DOK5: variants seen among roughly 807,000 people sequenced by gnomAD.
The protein encoded by DOK5 is downstream of tyrosine kinase 5.
DOK5 carries 27 observed loss-of-function variants against 43.3 expected under a neutral mutation model. The ratio of observed to expected loss-of-function variants is 0.62; its 90% CI spans 0.46 to 0.86. DOK5 has a LOEUF of 0.86. Among genes scored for constraint, DOK5 ranks in the 40% least tolerant of loss-of-function variants. The probability of loss-of-function intolerance (pLI) is 0.00; values close to 1 mark genes in which losing one functional copy is unlikely to be tolerated. For missense variants in DOK5, 373 were observed against 392.9 expected (o/e 0.95, Z 0.43); for synonymous variants, 146 against 140.1 (o/e 1.04, Z -0.30).
At chr20:54,605,543 C>T (rs1986444280) in intron 5 of DOK5, among the ~76,000 whole-genome samples, 1 of 152,218 alleles carries the variant, frequency 6.6e-6, no homozygotes, top group Non-Finnish European at 1.5e-5. Flanking sequence ...CACCTTAAAG[C>T]TTTATATGTG....
At chr20:54,545,264 T>C (rs1418038984) in intron 1 of DOK5, among the ~76,000 whole-genome samples, 1 of 152,212 alleles carries the variant, frequency 6.6e-6, no homozygotes, top group African/African-American at 2.4e-5. Flanking sequence ...TGGAGGGGCA[T>C]TACCTGTGGG....
At chr20:54,649,079 T>G (rs957319032) in intron 7 of DOK5, among the ~76,000 whole-genome samples, 1 of 152,210 alleles carries the variant, frequency 6.6e-6, no homozygotes, top group African/African-American at 2.4e-5. Flanking sequence ...ACTAAACAGT[T>G]GTGTCACTGA....
rs6014105 is a variant in DOK5, at chr20:54,648,195, A to T, written c.857-2220A>T. Among the ~76,000 whole-genome samples the T allele has an allele frequency of 3.5e-4, 53 of 152,138 alleles. No homozygotes were observed. In the East Asian group the frequency reaches 9.9e-3, roughly 28 times the overall value. Reference sequence around the variant, plus strand: ...TTCTCTCTCATTCTTCCATCCATCCATTCTTTGTTTACTCAGTAAACGTTT... The same window carrying T: ...TTCTCTCTCATTCTTCCATCCATCCTTTCTTTGTTTACTCAGTAAACGTTT... On this transcript the variant is annotated intron_variant, in intron 7 of 7. Coordinates refer to ENST00000262593, the MANE Select transcript of DOK5 (RefSeq NM_018431.5).
At chr20:54,497,679 T>C (rs1277343641) in intron 1 of DOK5, among the ~76,000 whole-genome samples, 2 of 152,194 alleles carry the variant, frequency 1.3e-5, no homozygotes, top group Non-Finnish European at 2.9e-5. Flanking sequence ...CACATATATA[T>C]TTCTGCATGC....
intron 1 of DOK5, among the ~76,000 whole-genome samples, chr20:54,499,067 AG>A (rs1400471182): frequency 6.6e-6 from 1 of 152,216 alleles, no homozygotes. Context: ...TGGGGATCAG[AG>A]CACTGTCAAA....
chr20:54,572,833 G>A (rs1055933673), intron 2 of DOK5, among the ~76,000 whole-genome samples: 2 of 152,136 alleles, frequency 1.3e-5, no homozygotes, highest in Admixed American at 1.3e-4. Context: ...GTTGGGAATG[G>A]TCCAACCATG....
chr20:54,481,961 G>A (rs1044828270), intron 1 of DOK5, among the ~76,000 whole-genome samples: 6 of 152,208 alleles, frequency 3.9e-5, no homozygotes, highest in African/African-American at 1.4e-4. Flanking sequence ...TACTTCCAGT[G>A]TGGTTAGAGA....
At chr20:54,554,793 T>C in intron 1 of DOK5, 140 bp from the exon 2 acceptor site, 1 of 608,078 alleles carries the variant, frequency 1.6e-6, no homozygotes, top group Non-Finnish European at 2.9e-6. Flanking sequence ...AATTTTGATT[T>C]TTAAAACTTT....
intron 6 of DOK5, among the ~76,000 whole-genome samples, chr20:54,641,242 G>A (rs1464408442): frequency 1.3e-5 from 2 of 152,106 alleles, no homozygotes; most frequent in African/African-American, 2.4e-5. Context: ...GCATGTTTTG[G>A]TAATTGTGGA....
At chr20:54,606,476 T>C (rs965135061) in intron 5 of DOK5, among the ~76,000 whole-genome samples, 5 of 152,158 alleles carry the variant, frequency 3.3e-5, no homozygotes, top group African/African-American at 1.2e-4. Flanking sequence ...CATTAGAACA[T>C]CTTTGTTCTG....
chr20:54,576,207 C>A (rs952964698), intron 2 of DOK5, among the ~76,000 whole-genome samples: 8 of 151,990 alleles, frequency 5.3e-5, no homozygotes, highest in African/African-American at 1.7e-4. Context: ...GTATAATAAT[C>A]CAACTTCGTA....
chr20:54,522,780 G>A (rs1983455929), intron 1 of DOK5, among the ~76,000 whole-genome samples: 1 of 152,084 alleles, frequency 6.6e-6, no homozygotes, highest in Admixed American at 6.5e-5. Flanking sequence ...CTCCCAAAGT[G>A]CTGGGATTAC....
At chr20:54,615,059 C>T (rs1764260048) in intron 6 of DOK5, among the ~76,000 whole-genome samples, 1 of 152,176 alleles carries the variant, frequency 6.6e-6, no homozygotes, top group Non-Finnish European at 1.5e-5. Flanking sequence ...TCATATCTGG[C>T]CATAGCCTCA....
At position 54,506,567 on chromosome 20, in the gene DOK5, C is replaced by T. The variant is rs6014042; in HGVS notation, c.66+30555C>T. ...CCTCCACCTCCTGGGTTCTAGCGAT[C>T]TCCCACGTCAGCCTCCCAGGTAGCT... On this transcript the variant is annotated intron_variant, in intron 1 of 7. Transcript: ENST00000262593. Among the ~76,000 whole-genome samples, 1,188 of 152,306 alleles carry T rather than the reference C, an allele frequency of 7.8e-3. 17 individuals carry two copies. The highest frequency in any genetic ancestry group is 0.027 in the African/African-American group (1,141 of 41,566).
At chr20:54,611,514 T>G (rs1235269821) in intron 6 of DOK5, among the ~76,000 whole-genome samples, 1 of 152,090 alleles carries the variant, frequency 6.6e-6, no homozygotes, top group Non-Finnish European at 1.5e-5. Context: ...TGAGCCGAGT[T>G]TGTGCCACTG....
chr20:54,489,063 T>A (rs1982062157), intron 1 of DOK5, among the ~76,000 whole-genome samples: 1 of 152,190 alleles, frequency 6.6e-6, no homozygotes, highest in Non-Finnish European at 1.5e-5. Flanking sequence ...AAACTGTGCC[T>A]ATATCCCATC....
chr20:54,478,237 C>T (rs1047451250), intron 1 of DOK5, among the ~76,000 whole-genome samples: 6 of 152,138 alleles, frequency 3.9e-5, no homozygotes, highest in African/African-American at 1.4e-4. Context: ...TACATAGTTG[C>T]CAGAACACAG....
intron 6 of DOK5, among the ~76,000 whole-genome samples, chr20:54,618,306 T>C (rs1228831342): frequency 6.6e-6 from 1 of 152,040 alleles, no homozygotes; most frequent in Non-Finnish European, 1.5e-5. Context: ...AAAGCTCTTA[T>C]GTCCCCACTG....
chr20:54,536,209 G>T (rs189188483), intron 1 of DOK5, among the ~76,000 whole-genome samples: 65 of 152,282 alleles, frequency 4.3e-4, no homozygotes, highest in Admixed American at 4.3e-3. Context: ...AGGCCTAGGG[G>T]GTGCTTTAGA....
Sources: gnomAD v4.1 joint callset for allele counts (sites outside exome capture counted in the v4.1 genomes callset) on GRCh38, gnomAD v4.1.1 for gene constraint, MANE v1.5 for transcripts, NCBI Gene and HGNC (gene_info 2026-07-23, HGNC 2026-07-21) for gene names.